Variants in RYR3 observed in about 807,000 individuals in gnomAD.
RYR3 encodes brain ryanodine receptor-calcium release channel.
Under a neutral mutation model 584.3 loss-of-function variants are expected in RYR3, and 207 were observed. The ratio of observed to expected loss-of-function variants is 0.35; its 90% CI spans 0.32 to 0.40. RYR3 has a LOEUF of 0.40. Among genes scored for constraint, RYR3 ranks in the 10% least tolerant of loss-of-function variants. The probability of loss-of-function intolerance (pLI) is 1.00; values close to 1 mark genes in which losing one functional copy is unlikely to be tolerated. For synonymous variants in RYR3, 2,416 were observed against 2,248.5 expected (o/e 1.07, Z -2.11); for missense variants, 5,616 against 6,089.2 (o/e 0.92, Z 2.59).
At chr15:33,385,705 C>CTTTTTTT (rs1567139235) in intron 1 of RYR3, among the ~76,000 whole-genome samples, 5 of 75,678 alleles carry the variant, frequency 6.6e-5, no homozygotes, top group African/African-American at 2.2e-4. Context: ...TTTTCTTTTT[C>CTTTTTTT]TTTTCTTTTT....
chr15:33,687,617 G>A (rs767211895), intron 38 of RYR3, among the ~76,000 whole-genome samples: 1 of 152,120 alleles, frequency 6.6e-6, no homozygotes, highest in African/African-American at 2.4e-5. Flanking sequence ...ACAGTCCTAA[G>A]GAAAAAGAAC....
chr15:33,704,342 C>T (rs16957657), intron 42 of RYR3, among the ~76,000 whole-genome samples: 7 of 151,412 alleles, frequency 4.6e-5, no homozygotes, highest in South Asian at 2.1e-4. Context: ...ATATAACTTA[C>T]GGTTAACTTT....
chr15:33,390,128 T>C lies in RYR3; in HGVS notation c.51+79032T>C, dbSNP rs1180749454. 3.3e-5 allele frequency among the ~76,000 whole-genome samples: 5 copies of C among 152,242 alleles called. No homozygotes were observed. Among genetic ancestry groups the C allele is most frequent in the African/African-American group, 4.8e-5 (2 of 41,458 alleles). ...TGAATTGGCTTCACTGCTGGAAATCTGTACTGTTATTCCAAGCAGAGTCTC... is the reference window on the plus strand; with the variant it reads ...TGAATTGGCTTCACTGCTGGAAATCCGTACTGTTATTCCAAGCAGAGTCTC... On this transcript the variant is annotated intron_variant, in intron 1 of 103. Coordinates refer to ENST00000634891, the MANE Select transcript of RYR3 (RefSeq NM_001036.6). The surrounding 1 kb of genome is among the most constrained non-coding windows in gnomAD (Gnocchi z 4.2).
chr15:33,653,765 C>T (rs2062644744), intron 32 of RYR3, among the ~76,000 whole-genome samples: 1 of 152,064 alleles, frequency 6.6e-6, no homozygotes, highest in Non-Finnish European at 1.5e-5. Context: ...ACCTGTTATA[C>T]ACATGTAGGT....
chr15:33,362,889 A>G (rs1008812431), intron 1 of RYR3, among the ~76,000 whole-genome samples: 1 of 152,310 alleles, frequency 6.6e-6, no homozygotes, highest in Middle Eastern at 3.4e-3. Context: ...TGTATCATTT[A>G]TCTGCACTTC....
intron 3 of RYR3, among the ~76,000 whole-genome samples, chr15:33,516,574 G>A (rs1471104829): frequency 6.6e-6 from 1 of 152,098 alleles, no homozygotes; most frequent in Non-Finnish European, 1.5e-5. Flanking sequence ...GACCTCAAGT[G>A]ATCCACCCAC....
At chr15:33,639,643 A>C (rs967340881) in intron 27 of RYR3, among the ~76,000 whole-genome samples, 2 of 152,130 alleles carry the variant, frequency 1.3e-5, no homozygotes, top group African/African-American at 2.4e-5. Context: ...TCATTACCCC[A>C]GTGGGAGCTG....
In RYR3 at chr15:33,634,569, T is replaced by C. The variant is rs976586436; in HGVS notation, c.3028-17T>C. Reference sequence around the variant, plus strand: ...TGAAATGTTTTCTTGGCACCTTTTTTCTCTGGCGTCACATAGGATTTGAAG... The same window carrying C: ...TGAAATGTTTTCTTGGCACCTTTTTCCTCTGGCGTCACATAGGATTTGAAG... On this transcript the variant is annotated splice_polypyrimidine_tract_variant and intron_variant, in intron 24 of 103. Coordinates refer to ENST00000634891, the MANE Select transcript of RYR3 (RefSeq NM_001036.6). The C allele has an allele frequency of 1.9e-6, 3 of 1,613,526 alleles. No homozygotes were observed. In the African/African-American group the frequency reaches 4.0e-5, roughly 22 times the overall value.
intron 10 of RYR3, among the ~76,000 whole-genome samples, chr15:33,553,668 A>C (rs1209537380): frequency 6.6e-6 from 1 of 152,130 alleles, no homozygotes; most frequent in African/African-American, 2.4e-5. Flanking sequence ...TGCAACTCAA[A>C]TTGGAGAGCT....
Position 33,635,597 on chromosome 15 carries a change from C to T in RYR3, c.3176-17C>T. The T allele has an allele frequency of 6.2e-7, 1 of 1,607,606 alleles. No individual in the cohort carries two copies. On this transcript the variant is annotated splice_polypyrimidine_tract_variant and intron_variant, in intron 25 of 103. Transcript: ENST00000634891. Reference sequence around the variant, plus strand: ...TTTCCCTTCCACACCCTCTGTTCGCCTTTCTTCTCACAATAGCTGACTCGG... The same window carrying T: ...TTTCCCTTCCACACCCTCTGTTCGCTTTTCTTCTCACAATAGCTGACTCGG...
intron 8 of RYR3, among the ~76,000 whole-genome samples, chr15:33,545,100 A>C (rs976482335): frequency 1.3e-5 from 2 of 152,142 alleles, no homozygotes; most frequent in Non-Finnish European, 2.9e-5. Context: ...TGTATCTAAG[A>C]TGGAATACAT....
intron 47 of RYR3, among the ~76,000 whole-genome samples, chr15:33,731,032 G>C (rs971291650): frequency 2.0e-5 from 3 of 152,216 alleles, no homozygotes; most frequent in Non-Finnish European, 4.4e-5. Context: ...TCTTACAGTT[G>C]TAAAATTACA....
chr15:33,386,425 A>G (rs551386294), intron 1 of RYR3, among the ~76,000 whole-genome samples: 24 of 152,378 alleles, frequency 1.6e-4, no homozygotes, highest in Admixed American at 1.2e-3. Context: ...AATTTAAAAC[A>G]TTGCCATGAG....
chr15:33,770,121 TAAA>T (rs5811792), intron 62 of RYR3, among the ~76,000 whole-genome samples: 1 of 143,598 alleles, frequency 7.0e-6, no homozygotes, highest in Non-Finnish European at 1.5e-5. Flanking sequence ...ACCTCATCTT[TAAA>T]AAAAAAAAAA....
chr15:33,767,978 A>G (rs146956033), intron 60 of RYR3, among the ~76,000 whole-genome samples: 1 of 152,216 alleles, frequency 6.6e-6, no homozygotes, highest in African/African-American at 2.4e-5. Context: ...CTGAACCTTC[A>G]GTGGTTCCAC....
chr15:33,326,226 C>A (rs961598167), intron 1 of RYR3, among the ~76,000 whole-genome samples: 1 of 152,044 alleles, frequency 6.6e-6, no homozygotes, highest in Non-Finnish European at 1.5e-5. Flanking sequence ...AGGAAAAGAC[C>A]CCTGGCAATC....
intron 49 of RYR3, among the ~76,000 whole-genome samples, chr15:33,736,704 T>A (rs1596363218): frequency 6.6e-6 from 1 of 152,260 alleles, no homozygotes; most frequent in East Asian, 1.9e-4. Flanking sequence ...CCATACTGTT[T>A]TGTGCTTTTC....
At chr15:33,457,997 C>T (rs1055363512) in intron 1 of RYR3, among the ~76,000 whole-genome samples, 1 of 152,146 alleles carries the variant, frequency 6.6e-6, no homozygotes, top group Admixed American at 6.5e-5. Flanking sequence ...GTGCCAGGTA[C>T]ATTGAGAACA....
chr15:33,797,502 T>G (rs1470936462), intron 67 of RYR3, among the ~76,000 whole-genome samples: 3 of 152,162 alleles, frequency 2.0e-5, no homozygotes, highest in Non-Finnish European at 2.9e-5. Context: ...GGGGAAAACC[T>G]TTAATGAGAT....
Sources: gnomAD v4.1 joint callset for allele counts (sites outside exome capture counted in the v4.1 genomes callset) on GRCh38, gnomAD v4.1.1 for gene constraint, Gnocchi (gnomAD v3.1) non-coding constraint, MANE v1.5 for transcripts, NCBI Gene and HGNC (gene_info 2026-07-23, HGNC 2026-07-21) for gene names.